The following LIN7A variants were observed in gnomAD, a reference collection of about 807,000 sequenced individuals.
LIN7A encodes lin-7 cell polarity scaffold A.
Under a neutral mutation model 29.8 loss-of-function variants are expected in LIN7A, and 25 were observed. That is an observed-to-expected ratio of 0.84 (90% confidence interval 0.61 to 1.17). The LOEUF is 1.17. Ranked by LOEUF, LIN7A falls within the 50% of genes most tolerant of loss-of-function variation. The pLI is 0.00. For missense variants in LIN7A, 239 were observed against 287.0 expected, an observed-to-expected ratio of 0.83 and a Z score of 1.21; for synonymous variants, 118 against 107.5, an observed-to-expected ratio of 1.10 and a Z score of -0.60.
At chr12:80,876,104 GAC>G (rs1383091433) in intron 2 of LIN7A, among the ~76,000 whole-genome samples, 3 of 151,698 alleles carry the variant, frequency 2.0e-5, no homozygotes, top group Admixed American at 6.6e-5. Flanking sequence ...GAGAGAGACA[GAC>G]AGAGAGACAG....
intron 5 of LIN7A, among the ~76,000 whole-genome samples, chr12:80,807,930 C>T (rs1592849531): frequency 6.6e-6 from 1 of 152,194 alleles, no homozygotes; most frequent in African/African-American, 2.4e-5. Flanking sequence ...GCAGCCAGAG[C>T]AATCTTTTTA....
chr12:80,820,974 C>T (rs1333272218), intron 4 of LIN7A, among the ~76,000 whole-genome samples: 1 of 152,156 alleles, frequency 6.6e-6, no homozygotes, highest in Non-Finnish European at 1.5e-5. Context: ...TCATTGTTTG[C>T]CTCCAGGTCT....
At chr12:80,919,196 G>A (rs1877175025) in intron 1 of LIN7A, among the ~76,000 whole-genome samples, 1 of 152,174 alleles carries the variant, frequency 6.6e-6, no homozygotes, top group South Asian at 2.1e-4. Context: ...CGCTACAAAA[G>A]TGCTTTCTAA....
intron 5 of LIN7A, among the ~76,000 whole-genome samples, chr12:80,801,328 TG>T (rs1565881478): frequency 1.3e-5 from 2 of 151,966 alleles, no homozygotes; most frequent in Non-Finnish European, 2.9e-5. Context: ...AAAACAGCGT[TG>T]TGATGAAGGC....
At chr12:80,815,992 C>T (rs562548512) in intron 4 of LIN7A, among the ~76,000 whole-genome samples, 2 of 152,272 alleles carry the variant, frequency 1.3e-5, no homozygotes, top group South Asian at 2.1e-4. Flanking sequence ...AAAATTATGC[C>T]TAGGCTGGCC....
At chr12:80,872,916 C>A (rs1441679065) in intron 2 of LIN7A, among the ~76,000 whole-genome samples, 1 of 152,190 alleles carries the variant, frequency 6.6e-6, no homozygotes, top group Non-Finnish European at 1.5e-5. Flanking sequence ...GGAAAATTAA[C>A]AGAATATCGT....
intron 1 of LIN7A, among the ~76,000 whole-genome samples, chr12:80,898,488 A>G (rs1876028204): frequency 6.6e-6 from 1 of 152,082 alleles, no homozygotes; most frequent in South Asian, 2.1e-4. Context: ...GTTCCATGTG[A>G]AATTTAAAAT....
intron 5 of LIN7A, among the ~76,000 whole-genome samples, chr12:80,801,500 A>T (rs1478738092): frequency 6.6e-6 from 1 of 152,222 alleles, no homozygotes; most frequent in East Asian, 1.9e-4. Context: ...ATATATTTTT[A>T]AAATTGTATA....
chr12:80,923,824 C>T (rs984118840), intron 1 of LIN7A, among the ~76,000 whole-genome samples: 2 of 152,190 alleles, frequency 1.3e-5, no homozygotes, highest in African/African-American at 4.8e-5. Flanking sequence ...CCAGACCGAG[C>T]TCCATTCCTC....
chr12:80,798,889 C>A (rs1870585941), intron 5 of LIN7A, among the ~76,000 whole-genome samples: 1 of 151,876 alleles, frequency 6.6e-6, no homozygotes, highest in Non-Finnish European at 1.5e-5. Context: ...TGTGCCACCA[C>A]CTCCAGCTAA....
At chr12:80,841,965 C>T in intron 4 of LIN7A, 2 of 1,172,682 alleles carry the variant, frequency 1.7e-6, no homozygotes, top group Non-Finnish European at 1.1e-6. Flanking sequence ...AGCCATACAC[C>T]AAAGGCCTCT....
chr12:80,914,857 A>T (rs1876947548), intron 1 of LIN7A, among the ~76,000 whole-genome samples: 1 of 152,174 alleles, frequency 6.6e-6, no homozygotes, highest in Non-Finnish European at 1.5e-5. Context: ...CCTAGGCAAC[A>T]TAGTGAGAAT....
chr12:80,916,663 G>A (rs1877044305), intron 1 of LIN7A, among the ~76,000 whole-genome samples: 1 of 152,152 alleles, frequency 6.6e-6, no homozygotes, highest in South Asian at 2.1e-4. Flanking sequence ...AGAATTTGTT[G>A]AGTGATAAGT....
chr12:80,905,190 A>AT (rs5799497), intron 1 of LIN7A, among the ~76,000 whole-genome samples: 11 of 150,142 alleles, frequency 7.3e-5, no homozygotes, highest in Non-Finnish European at 1.2e-4. Flanking sequence ...ATTTCCAAGG[A>AT]TTTTTTTTTT....
Position 80,794,797 on chromosome 12 carries a change from A to T in LIN7A, c.*2930T>A, listed in dbSNP as rs754482742. On this transcript the variant is annotated 3_prime_UTR_variant, in exon 6 of 6. Transcript: ENST00000552864. ...GTTATTCTTTCCAAAGTCAATTGTAACTTAAGCTCATTATCTCCCTGCAGA... is the reference window on the plus strand; with the variant it reads ...GTTATTCTTTCCAAAGTCAATTGTATCTTAAGCTCATTATCTCCCTGCAGA... The T allele has an allele frequency of 3.3e-5, 5 of 152,180 alleles. No homozygotes were observed. The highest frequency in any genetic ancestry group is 5.9e-5 in the Non-Finnish European group (4 of 68,020). The allele number at this position is 152,180 out of a possible 1,614,324, so 9.4% of individuals were successfully genotyped here.
chr12:80,931,553 G>A (rs959642336), intron 1 of LIN7A, among the ~76,000 whole-genome samples: 2 of 150,790 alleles, frequency 1.3e-5, no homozygotes, highest in African/African-American at 2.4e-5. Context: ...CCAGAGAATC[G>A]CTTAAACCCA....
intron 4 of LIN7A, among the ~76,000 whole-genome samples, chr12:80,835,365 G>T (rs7310874): frequency 0.13 from 20,203 of 152,004 alleles, 1,636 homozygotes; most frequent in African/African-American, 0.22. Context: ...GACAGGACAG[G>T]TGTTGTTACA....
At chr12:80,869,132 T>A (rs1291761404) in intron 2 of LIN7A, among the ~76,000 whole-genome samples, 1 of 147,176 alleles carries the variant, frequency 6.8e-6, no homozygotes, top group African/African-American at 2.5e-5. Context: ...CTAAAGTATC[T>A]AATAAATAAA....
chr12:80,805,881 G>A (rs1038099876), intron 5 of LIN7A, among the ~76,000 whole-genome samples: 3 of 151,634 alleles, frequency 2.0e-5, no homozygotes, highest in African/African-American at 7.3e-5. Flanking sequence ...TTCTGCTTGT[G>A]TTTATTCCTC....
Sources: gnomAD v4.1 joint callset for allele counts (sites outside exome capture counted in the v4.1 genomes callset) on GRCh38, gnomAD v4.1.1 for gene constraint, MANE v1.5 for transcripts, NCBI Gene and HGNC (gene_info 2026-07-23, HGNC 2026-07-21) for gene names.